The following NFS1 variants were observed in gnomAD, a reference collection of about 807,000 sequenced individuals.
The protein encoded by NFS1 is NFS1 cysteine desulfurase.
NFS1 carries 26 observed loss-of-function variants against 57.3 expected under a neutral mutation model. The observed-to-expected ratio is 0.45, with a 90% CI of 0.33 to 0.63. The LOEUF (loss-of-function observed/expected upper bound fraction) is 0.63, where lower values mean the gene tolerates loss of function less well. Among genes scored for constraint, NFS1 ranks in the 20% least tolerant of loss-of-function variants. NFS1 has a pLI of 0.02. For missense variants in NFS1, 505 were observed against 605.8 expected, an observed-to-expected ratio of 0.83 and a Z score of 1.75; for synonymous variants, 209 against 216.3, an observed-to-expected ratio of 0.97 and a Z score of 0.30.
intron 4 of NFS1, among the ~76,000 whole-genome samples, chr20:35,692,937 A>G (rs1440583008): frequency 6.6e-6 from 1 of 151,358 alleles, no homozygotes. Context: ...TGGAGGCAGA[A>G]GTTGTAGTAA....
At chr20:35,679,345 G>A (rs750224841) in intron 7 of NFS1, among the ~76,000 whole-genome samples, 1 of 151,976 alleles carries the variant, frequency 6.6e-6, no homozygotes, top group Non-Finnish European at 1.5e-5. Flanking sequence ...CACCACACCC[G>A]GCTAATTTTT....
rs1177994377 is a variant in NFS1, at chr20:35,680,793, T to C, written c.734A>G (p.Asn245Ser). ...QAVGKIPLDV[N>S]DMKIDLMSIS... Reference sequence around the variant, plus strand: ...GCTCATGAGATCAATTTTCATGTCATTGACATCAAGTGGGATTTTTCCAAC... The same window carrying C: ...GCTCATGAGATCAATTTTCATGTCACTGACATCAAGTGGGATTTTTCCAAC... Residue 245 changes from asparagine to serine, a missense_variant, in exon 7 of 13, where the codon AAT becomes AGT. Transcript: ENST00000374092. The C allele has an allele frequency of 3.2e-6, 5 of 1,582,068 alleles. No homozygotes were observed. Among genetic ancestry groups the C allele is most frequent in the Non-Finnish European group, 4.3e-6 (5 of 1,165,376 alleles).
At chr20:35,679,212 A>G (rs1191181500) in intron 7 of NFS1, among the ~76,000 whole-genome samples, 1 of 152,000 alleles carries the variant, frequency 6.6e-6, no homozygotes, top group Non-Finnish European at 1.5e-5. Flanking sequence ...TTTGTTTTTG[A>G]GAGGGAGTCT....
intron 10 of NFS1, 53 bp from the exon 11 acceptor site, chr20:35,673,737 G>T: frequency 7.0e-7 from 1 of 1,428,076 alleles, no homozygotes; most frequent in Non-Finnish European, 9.9e-7. Context: ...TCTACTTTTA[G>T]TCACAAACCC....
At chr20:35,677,431 G>C (rs2146416803) in intron 7 of NFS1, among the ~76,000 whole-genome samples, 1 of 152,168 alleles carries the variant, frequency 6.6e-6, no homozygotes, top group African/African-American at 2.4e-5. Flanking sequence ...AGCTACTCTG[G>C]AGGCTAAGGC....
At chr20:35,693,235 TG>T (rs1451320947) in intron 4 of NFS1, among the ~76,000 whole-genome samples, 1 of 152,008 alleles carries the variant, frequency 6.6e-6, no homozygotes, top group Non-Finnish European at 1.5e-5. Flanking sequence ...CCCGAGTAGC[TG>T]GGACTACAGC....
In NFS1 at chr20:35,675,137, C is replaced by T. The variant is rs2034719758; in HGVS notation, c.856G>A (p.Gly286Arg). The T allele has an allele frequency of 6.2e-7, 1 of 1,613,958 alleles. No homozygotes were observed. The highest frequency in any genetic ancestry group is 8.5e-7 in the Non-Finnish European group (1 of 1,180,010). The change falls in exon 8 of 13, where the codon GGG becomes AGG. Residue 286 changes from glycine (G) to arginine (R), a missense_variant. Transcript: ENST00000374092. Reference protein sequence around the residue: ...VRVEALQSGGGQERGMRSGTV... With the variant: ...VRVEALQSGGRQERGMRSGTV... ...CCAGACCGCATACCCCGCTCCTGCC[C>T]CCCTCCACTCTGCAGGGCCTCCACA...
In NFS1 at chr20:35,675,098, G is replaced by C; in HGVS notation, c.895C>G (p.Pro299Ala). Residue 299 changes from proline (P) to alanine (A), a missense_variant, in exon 8 of 13, where the codon CCC becomes GCC. Coordinates refer to ENST00000374092, the MANE Select transcript of NFS1 (RefSeq NM_021100.5). ...GCAGCCCCCAGCCCCACCACTAAGGGTGTGGGCACTGTCCCAGACCGCATA... is the reference window on the plus strand; with the variant it reads ...GCAGCCCCCAGCCCCACCACTAAGGCTGTGGGCACTGTCCCAGACCGCATA... ...RGMRSGTVPTPLVVGLGAACE... is the reference protein window; with the variant it reads ...RGMRSGTVPTALVVGLGAACE... 6.2e-7 allele frequency: 1 copy of C among 1,614,044 alleles called. No homozygotes were observed. The highest frequency in any genetic ancestry group is 1.3e-5 in the African/African-American group (1 of 75,038).
chr20:35,673,724 A>G (rs2034695271), intron 10 of NFS1, 40 bp from the exon 11 acceptor site: 1 of 1,519,868 alleles, frequency 6.6e-7, no homozygotes, highest in Non-Finnish European at 9.1e-7. Context: ...TTCATCATCA[A>G]CGTCTACTTT....
chr20:35,679,166 A>T (rs1172762493), intron 7 of NFS1, among the ~76,000 whole-genome samples: 1 of 152,138 alleles, frequency 6.6e-6, no homozygotes, highest in Non-Finnish European at 1.5e-5. Context: ...GTGAGTACAC[A>T]GGAGGTATAT....
intron 7 of NFS1, among the ~76,000 whole-genome samples, chr20:35,676,922 A>G (rs1348689866): frequency 6.6e-6 from 1 of 151,838 alleles, no homozygotes; most frequent in Admixed American, 6.6e-5. Context: ...ACTGGAGTGC[A>G]ATGGCACGGT....
At chr20:35,697,626 T>C in intron 3 of NFS1, 58 bp downstream of exon 3, 1 of 1,140,560 alleles carries the variant, frequency 8.8e-7, no homozygotes, top group Non-Finnish European at 1.3e-6. Context: ...AAGAAATGCC[T>C]CCCACAGGCC....
At chr20:35,694,499 A>G (rs2035097840) in intron 4 of NFS1, 2 of 152,202 alleles carry the variant, frequency 1.3e-5, no homozygotes, top group African/African-American at 4.8e-5. Context: ...CAGAATATTA[A>G]ACCATATAGG....
In NFS1 at chr20:35,673,649, A is replaced by G; in HGVS notation, c.1172T>C (p.Val391Ala). ...CTCATCAGTGCCAATTGCTCTAAGCACATAAGAGGGCTCCAGGGATGCAGA... is the reference window on the plus strand; with the variant it reads ...CTCATCAGTGCCAATTGCTCTAAGCGCATAAGAGGGCTCCAGGGATGCAGA... Reference protein sequence around the residue: ...CTSASLEPSYVLRAIGTDEDL... With the variant: ...CTSASLEPSYALRAIGTDEDL... The change falls in exon 11 of 13, where the codon GTG (valine) becomes GCG (alanine). Residue 391 changes from valine (V) to alanine (A), a missense_variant. Transcript: ENST00000374092. 3.7e-6 allele frequency: 6 copies of G among 1,614,010 alleles called. No homozygotes were observed. The highest frequency in any genetic ancestry group is 5.1e-6 in the Non-Finnish European group (6 of 1,179,958).
intron 5 of NFS1, chr20:35,682,779 CA>C (rs1430151155): frequency 3.0e-3 from 362 of 121,270 alleles, no homozygotes; most frequent in Middle Eastern, 0.011. Flanking sequence ...GACTCTGCCT[CA>C]AAAAAAAAAA....
chr20:35,675,889 AAAAG>A (rs1357773016), intron 7 of NFS1: 2 of 151,744 alleles, frequency 1.3e-5, no homozygotes, highest in African/African-American at 2.4e-5. Context: ...AAAAAAAAAA[AAAAG>A]AAGAAGCTTG....
At position 35,697,690 on chromosome 20, in the gene NFS1, A is replaced by T. The variant is rs754202176; in HGVS notation, c.318T>A (p.Ala106=). 6.2e-7 allele frequency: 1 copy of T among 1,611,908 alleles called. No homozygotes were observed. Among genetic ancestry groups the T allele is most frequent in the Non-Finnish European group, 8.5e-7 (1 of 1,178,638 alleles). ...TAGACTCCTGTGTACTAACCTGACGAGCACGTTCCATGGCTGCCTCACTCT... is the reference window on the plus strand; with the variant it reads ...TAGACTCCTGTGTACTAACCTGACGTGCACGTTCCATGGCTGCCTCACTCT... ...GWESEAAMER[A]RQQVASLIGA... is the part of the protein sequence containing the mutation. Residue 106 remains alanine (A), a synonymous_variant, in exon 3 of 13, where the codon GCT becomes GCA. Transcript: ENST00000374092.
intron 4 of NFS1, among the ~76,000 whole-genome samples, chr20:35,691,531 A>T (rs1481947561): frequency 6.6e-6 from 1 of 151,258 alleles, no homozygotes; most frequent in Admixed American, 6.6e-5. Context: ...ATCTAAGGTC[A>T]GGAGTTTGAG....
intron 5 of NFS1, among the ~76,000 whole-genome samples, chr20:35,687,401 G>GTC (rs571961732): frequency 2.6e-5 from 4 of 151,356 alleles, no homozygotes; most frequent in East Asian, 1.9e-4. Flanking sequence ...GGCGTAAGCT[G>GTC]TCTCTCTCTC....
Sources: gnomAD v4.1 joint callset for allele counts (sites outside exome capture counted in the v4.1 genomes callset) on GRCh38, gnomAD v4.1.1 for gene constraint, MANE v1.5 for transcripts, NCBI Gene and HGNC (gene_info 2026-07-23, HGNC 2026-07-21) for gene names.